ARHGAP30: variants seen among roughly 807,000 people sequenced by gnomAD.
ARHGAP30 encodes Rho GTPase activating protein 30, also known as rho GTPase-activating protein 30.
Under a neutral mutation model 72.0 loss-of-function variants are expected in ARHGAP30, and 23 were observed. The ratio of observed to expected loss-of-function variants is 0.32; its 90% CI spans 0.23 to 0.45. ARHGAP30 has a LOEUF of 0.45. Ranked by LOEUF, ARHGAP30 falls within the 20% of genes least tolerant of loss-of-function variation. The pLI, the probability that ARHGAP30 is intolerant of heterozygous loss-of-function variation, is 1.00. For synonymous variants in ARHGAP30, 576 were observed against 528.2 expected, an observed-to-expected ratio of 1.09 and a Z score of -1.24; for missense variants, 1,319 against 1,383.4, an observed-to-expected ratio of 0.95 and a Z score of 0.74.
chr1:161,069,428 C>T lies in ARHGAP30; in HGVS notation c.97+100G>A, dbSNP rs1653004116. On this transcript the variant is annotated intron_variant, in intron 1 of 11. Transcript: ENST00000368013. The surrounding 1 kb of genome is among the most constrained non-coding windows in gnomAD (Gnocchi z 4.9). Reference sequence around the variant, plus strand: ...TGACCCCAGGCCACTGCCCCTTCCCCAGGAGCACCGGAAACTGCTTCTGCC... The same window carrying T: ...TGACCCCAGGCCACTGCCCCTTCCCTAGGAGCACCGGAAACTGCTTCTGCC... 3 of 1,229,446 alleles carry T rather than the reference C, an allele frequency of 2.4e-6. No individual in the cohort carries two copies. The highest frequency in any genetic ancestry group is 3.7e-5 in the Admixed American group (2 of 53,838). The allele number at this position is 1,229,446 out of a possible 1,614,324, so 76.2% of individuals were successfully genotyped here.
chr1:161,053,089 A>T (rs1489043622), intron 6 of ARHGAP30, 169 bp downstream of exon 6: 14 of 1,023,120 alleles, frequency 1.4e-5, no homozygotes, highest in East Asian at 2.6e-5. Context: ...ACAGCAGAAG[A>T]AGTCTTCTCA....
chr1:161,068,907 C>T (rs1304418258), intron 1 of ARHGAP30, among the ~76,000 whole-genome samples: 1 of 152,094 alleles, frequency 6.6e-6, no homozygotes, highest in African/African-American at 2.4e-5. Context: ...TCTCCCCTTG[C>T]CCCCCACTTT....
Position 161,064,510 on chromosome 1 carries a change from A to G in ARHGAP30, c.98-4794T>C, listed in dbSNP as rs527583993. 9.7e-4 allele frequency among the ~76,000 whole-genome samples: 148 copies of G among 152,202 alleles called. 1 individual carries two copies. The highest frequency in any genetic ancestry group is 3.4e-3 in the African/African-American group (142 of 41,532). On this transcript the variant is annotated intron_variant, in intron 1 of 11. Transcript: ENST00000368013. ...ATGGCAGCTCATGCCTGTAATCCCA[A>G]CAGTTTGGGAGGTCAAGGCAGGTAG...
In ARHGAP30 at chr1:161,047,807, C is replaced by G. The variant is rs766425253; in HGVS notation, c.3214G>C (p.Glu1072Gln). 1 of 1,604,728 alleles carries G rather than the reference C, an allele frequency of 6.2e-7. No individual in the cohort carries two copies. Among genetic ancestry groups the G allele is most frequent in the South Asian group, 1.1e-5 (1 of 89,764 alleles). The change falls in exon 12 of 12, where the codon GAA becomes CAA. Residue 1072 changes from glutamate to glutamine, a missense_variant. Coordinates refer to ENST00000368013, the MANE Select transcript of ARHGAP30 (RefSeq NM_001025598.2). ...SRSRLSLPPR[E>Q]PQVPDPLLSS... is the part of the protein sequence containing the mutation. Reference sequence around the variant, plus strand: ...AACAGGGGGTCAGGAACCTGGGGTTCTCTGGGGGGCAGACTAAGACGACTC... The same window carrying G: ...AACAGGGGGTCAGGAACCTGGGGTTGTCTGGGGGGCAGACTAAGACGACTC...
chr1:161,051,687 G>A lies in ARHGAP30; in HGVS notation c.1047C>T (p.Ser349=), dbSNP rs920170195. ...DEPEGLVGPS[S]PRPSPLLPES... ...CAGGCAGCAATGGGCTTGGCCGGGG[G>A]CTGCTGGGCCCCACCAGCCCCTCTG... is the stretch of plus-strand genomic sequence containing the variant. Residue 349 remains serine, a synonymous_variant, in exon 10 of 12, where the codon AGC becomes AGT. Transcript: ENST00000368013. The A allele has an allele frequency of 1.2e-6, 2 of 1,611,510 alleles. No homozygotes were observed. Among genetic ancestry groups the A allele is most frequent in the Middle Eastern group, 1.7e-4 (1 of 6,008 alleles).
chr1:161,048,092 C>T lies in ARHGAP30; in HGVS notation c.2929G>A (p.Glu977Lys), dbSNP rs1651006674. ...RPGRLDGTPG[E>K]RAWGSRASRS... ...GAAGCTCGGGACCCCCAAGCCCTTT[C>T]TCCAGGAGTCCCATCAAGCCGGCCA... is the stretch of plus-strand genomic sequence containing the variant. The change falls in exon 12 of 12, where the codon GAA becomes AAA. Residue 977 changes from glutamate to lysine, a missense_variant. By Grantham distance (56) the Glu-to-Lys change is moderately conservative (BLOSUM62 1). Transcript: ENST00000368013. 1 of 1,614,194 alleles carries T rather than the reference C, an allele frequency of 6.2e-7. No homozygotes were observed. Among genetic ancestry groups the T allele is most frequent in the Non-Finnish European group, 8.5e-7 (1 of 1,180,028 alleles).
chr1:161,056,257 G>A (rs192447752), intron 3 of ARHGAP30, 131 bp downstream of exon 3: 144 of 1,296,386 alleles, frequency 1.1e-4, no homozygotes, highest in African/African-American at 7.9e-4. Context: ...TCTTTTCCCC[G>A]GTAAGTTTTT....
At chr1:161,066,423 G>A (rs1427813298) in intron 1 of ARHGAP30, among the ~76,000 whole-genome samples, 1 of 151,040 alleles carries the variant, frequency 6.6e-6, no homozygotes, top group Non-Finnish European at 1.5e-5. Context: ...GAGGCGAGTG[G>A]ATCACCTGAG....
At chr1:161,056,932 G>A (rs1398862826) in intron 2 of ARHGAP30, among the ~76,000 whole-genome samples, 1 of 152,066 alleles carries the variant, frequency 6.6e-6, no homozygotes, top group Non-Finnish European at 1.5e-5. Context: ...CCTAGGATTA[G>A]GCAACAGTTT....
chr1:161,048,509 G>A lies in ARHGAP30; in HGVS notation c.2512C>T (p.Arg838Trp), dbSNP rs758623023. Residue 838 changes from arginine (R) to tryptophan (W), a missense_variant, in exon 12 of 12, where the codon CGG (arginine) becomes TGG (tryptophan). By Grantham distance (101) the Arg-to-Trp change is moderately radical (BLOSUM62 -3). Transcript: ENST00000368013. Reference protein sequence around the residue: ...EGGAGEVSKERESGDGEAEGD... With the variant: ...EGGAGEVSKEWESGDGEAEGD... The stretch of plus-strand genomic sequence containing the variant: ...TCAGCCTCTCCATCCCCACTCTCCC[G>A]TTCCTTGCTGACCTCCCCTGCTCCT... The A allele has an allele frequency of 2.4e-5, 38 of 1,613,810 alleles. No homozygotes were observed. The highest frequency in any genetic ancestry group is 1.2e-4 in the Admixed American group (7 of 59,980).
At chr1:161,067,921 G>A (rs1266645224) in intron 1 of ARHGAP30, among the ~76,000 whole-genome samples, 2 of 152,170 alleles carry the variant, frequency 1.3e-5, no homozygotes, top group Admixed American at 1.3e-4. Flanking sequence ...TGGTGCCCAA[G>A]ATCAACCCAC....
chr1:161,051,599 G>A lies in ARHGAP30; in HGVS notation c.1135C>T (p.Leu379=), dbSNP rs200564175. 6.2e-7 allele frequency: 1 copy of A among 1,613,802 alleles called. No individual in the cohort carries two copies. The highest frequency in any genetic ancestry group is 2.2e-5 in the East Asian group (1 of 44,882). The part of the protein sequence containing the change: ...EGEQEPEAEA[L]GGTNSEPGTP... The stretch of plus-strand genomic sequence containing the variant: ...CCTGGTTCAGAGTTTGTGCCACCCA[G>A]TGCTTCTGCCTCAGGCTCCTGTTCA... Residue 379 remains leucine (L), a synonymous_variant, in exon 10 of 12, where the codon CTG becomes TTG. Coordinates refer to ENST00000368013, the MANE Select transcript of ARHGAP30 (RefSeq NM_001025598.2).
At chr1:161,065,958 G>A (rs1557936695) in intron 1 of ARHGAP30, among the ~76,000 whole-genome samples, 1 of 151,212 alleles carries the variant, frequency 6.6e-6, no homozygotes, top group Non-Finnish European at 1.5e-5. Context: ...GTGCAGTGGT[G>A]CAGTCTTGGC....
intron 1 of ARHGAP30, among the ~76,000 whole-genome samples, chr1:161,061,162 CTGTT>C (rs756733986): frequency 2.6e-5 from 4 of 151,386 alleles, no homozygotes; most frequent in South Asian, 2.1e-4. Context: ...TTGTTGGGTT[CTGTT>C]TGTTTGTTTG....
chr1:161,063,807 C>T (rs1286086994), intron 1 of ARHGAP30, among the ~76,000 whole-genome samples: 8 of 152,138 alleles, frequency 5.3e-5, no homozygotes, highest in Non-Finnish European at 1.2e-4. Flanking sequence ...TGAACGCCCC[C>T]CCCACCGGGG....
rs558777667 is a variant in ARHGAP30, at chr1:161,069,772, C to T, written c.-148G>A. ...AATTGGGGGTGGAGGGTGGCCTGGG[C>T]AACGGGCAGCAGCTCCTGCCCCTGG... On this transcript the variant is annotated 5_prime_UTR_variant, in exon 1 of 12. Transcript: ENST00000368013. The surrounding 1 kb of genome is among the most constrained non-coding windows in gnomAD (Gnocchi z 4.9). The T allele has an allele frequency of 6.7e-4, 511 of 757,626 alleles. 6 individuals carry two copies. Among genetic ancestry groups the T allele is most frequent in the South Asian group, 6.5e-3 (367 of 56,696 alleles). 46.9% of individuals were successfully genotyped at this position (757,626 alleles called of 1,614,324 possible). A position where few individuals can be genotyped will look rare whatever the true frequency, so the allele number is the denominator to read the frequency against.
intron 5 of ARHGAP30, 91 bp downstream of exon 5, chr1:161,054,275 G>A: frequency 8.4e-7 from 1 of 1,189,682 alleles, no homozygotes; most frequent in Non-Finnish European, 1.2e-6. Context: ...CTTCTCCAGT[G>A]TACCCACACA....
intron 1 of ARHGAP30, among the ~76,000 whole-genome samples, chr1:161,064,847 A>AAGAGAAAGAAAGAC: frequency 1.3e-5 from 1 of 77,266 alleles, no homozygotes; most frequent in South Asian, 3.4e-4. Context: ...GAAAGAAAGA[A>AAGAGAAAGAAAGAC]AGGAAAGGAA....
At position 161,047,888 on chromosome 1, in the gene ARHGAP30, G is replaced by T; in HGVS notation, c.3133C>A (p.Arg1045=). ...GGGAGCTCCAGGCAGCTAAGGGGCC[G>T]AGGAGAATGGGCAGAGATCATGCTA... ...PCSMISAHSP[R]PLSCLELPSE... Residue 1045 remains arginine (R), a synonymous_variant, in exon 12 of 12, where the codon CGG becomes AGG. Coordinates refer to ENST00000368013, the MANE Select transcript of ARHGAP30 (RefSeq NM_001025598.2). The T allele has an allele frequency of 6.2e-7, 1 of 1,611,846 alleles. No homozygotes were observed. Among genetic ancestry groups the T allele is most frequent in the Non-Finnish European group, 8.5e-7 (1 of 1,178,902 alleles).
Sources: gnomAD v4.1 joint callset for allele counts (sites outside exome capture counted in the v4.1 genomes callset) on GRCh38, gnomAD v4.1.1 for gene constraint, Gnocchi (gnomAD v3.1) non-coding constraint, MANE v1.5 for transcripts, NCBI Gene and HGNC (gene_info 2026-07-23, HGNC 2026-07-21) for gene names.